The following FBN1 variants were observed in gnomAD, a reference collection of about 807,000 sequenced individuals.
FBN1 encodes the protein fibrillin 1, also known as fibrillin-1.
FBN1 carries 29 observed loss-of-function variants against 365.1 expected under a neutral mutation model. That is an observed-to-expected ratio of 0.08 (90% CI 0.06 to 0.11). FBN1 has a LOEUF of 0.11. FBN1 is among the 10% of genes least tolerant of loss of function. The pLI is 1.00. For synonymous variants in FBN1, 1,210 were observed against 1,270.5 expected, an observed-to-expected ratio of 0.95 and a Z score of 1.01; for missense variants, 2,476 against 3,703.2, an observed-to-expected ratio of 0.67 and a Z score of 8.60.
intron 65 of FBN1, among the ~76,000 whole-genome samples, chr15:48,412,298 A>C (rs1166658410): frequency 6.6e-6 from 1 of 152,174 alleles, no homozygotes; most frequent in Admixed American, 6.5e-5. Context: ...TCCTTTCAGC[A>C]GACTTTGGGT....
chr15:48,549,563 C>T (rs2044124893), intron 6 of FBN1, among the ~76,000 whole-genome samples: 1 of 152,212 alleles, frequency 6.6e-6, no homozygotes, highest in Non-Finnish European at 1.5e-5. Context: ...CCCTCTTCTG[C>T]TTAAGCTAGT....
rs1597593844 is a variant in FBN1, at chr15:48,537,792, T to C, written c.555A>G (p.Pro185=). The change falls in exon 7 of 66, where the codon CCA becomes CCG. Residue 185 remains proline, a synonymous_variant. Coordinates refer to ENST00000316623, the MANE Select transcript of FBN1 (RefSeq NM_000138.5). ...TCTGGTTGCTGATCACAGTAAAACA[T>C]GGGCCTGTCCTGTAATCTGAAAATA... ...PQCERDYRTG[P]CFTVISNQMC... is the part of the protein sequence containing the mutation. The C allele has an allele frequency of 4.3e-6, 7 of 1,614,160 alleles. No homozygotes were observed. The highest frequency in any genetic ancestry group is 5.9e-6 in the Non-Finnish European group (7 of 1,180,024).
At chr15:48,587,070 C>A (rs2044442034) in intron 6 of FBN1, among the ~76,000 whole-genome samples, 2 of 152,164 alleles carry the variant, frequency 1.3e-5, no homozygotes, top group South Asian at 2.1e-4. Context: ...GATATTATAT[C>A]CATGGCAACT....
At position 48,490,724 on chromosome 15, in the gene FBN1, A is replaced by G. The variant is rs547307876; in HGVS notation, c.2855-646T>C. 5.3e-5 allele frequency among the ~76,000 whole-genome samples: 8 copies of G among 152,348 alleles called. No homozygotes were observed. In the East Asian group the frequency reaches 1.3e-3, roughly 26 times the overall value. On this transcript the variant is annotated intron_variant, in intron 24 of 65. Transcript: ENST00000316623. ...CCAAATTCATGGGATTATAAAGAAGAGCAGAAAGCCTAGCAGAGCAGAGGT... is the reference window on the plus strand; with the variant it reads ...CCAAATTCATGGGATTATAAAGAAGGGCAGAAAGCCTAGCAGAGCAGAGGT...
In FBN1 at chr15:48,437,448, A is replaced by T. The variant is rs139565291; in HGVS notation, c.6314-61T>A. 60 of 1,409,734 alleles carry T rather than the reference A, an allele frequency of 4.3e-5. No individual in the cohort carries two copies. The African/African-American group carries it at 8.2e-4, about 19-fold the overall frequency. 87.3% of individuals were successfully genotyped at this position (1,409,734 alleles called of 1,614,324 possible). ...AGCAATTCATTACAAGCTTCTCCACAAGTATTTTGAGGTAGAAAATTGCTA... is the reference window on the plus strand; with the variant it reads ...AGCAATTCATTACAAGCTTCTCCACTAGTATTTTGAGGTAGAAAATTGCTA... On this transcript the variant is annotated intron_variant, in intron 51 of 65. Coordinates refer to ENST00000316623, the MANE Select transcript of FBN1 (RefSeq NM_000138.5).
At chr15:48,437,208 G>C (rs1054709851) in intron 52 of FBN1, 114 bp downstream of exon 52, 1 of 1,170,220 alleles carries the variant, frequency 8.5e-7, no homozygotes, top group South Asian at 1.3e-5. Flanking sequence ...TAAATGAAGG[G>C]ACAAAAAAGT....
At chr15:48,420,373 C>A (rs917982874) in intron 63 of FBN1, among the ~76,000 whole-genome samples, 1 of 152,066 alleles carries the variant, frequency 6.6e-6, no homozygotes, top group Non-Finnish European at 1.5e-5. Context: ...GATTTTTTGA[C>A]CCCTGATATG....
At chr15:48,542,714 A>AC (rs2044066100) in intron 6 of FBN1, among the ~76,000 whole-genome samples, 1 of 150,288 alleles carries the variant, frequency 6.7e-6, no homozygotes, top group Admixed American at 6.6e-5. Flanking sequence ...TAGATGTGGC[A>AC]TGGGGCCCAG....
chr15:48,565,103 T>C (rs566024825), intron 6 of FBN1, among the ~76,000 whole-genome samples: 1 of 152,274 alleles, frequency 6.6e-6, no homozygotes, highest in East Asian at 1.9e-4. Context: ...CCACCCACCA[T>C]ACCTTGGTCA....
At position 48,644,900 on chromosome 15, in the gene FBN1, C is replaced by G. The variant is rs1890268499; in HGVS notation, c.-131G>C. The G allele has an allele frequency of 1.1e-6, 1 of 870,146 alleles. No homozygotes were observed. The highest frequency in any genetic ancestry group is 1.5e-6 in the Non-Finnish European group (1 of 659,036). The allele number at this position is 870,146 out of a possible 1,614,324, so 53.9% of individuals were successfully genotyped here. A position where few individuals can be genotyped will look rare whatever the true frequency, so the allele number is the denominator to read the frequency against. ...CCCGCCGCCCGTCCCCCGGGCCGGG[C>G]TCCTCCCGCCTTCTCCAGGCGCTGC... On this transcript the variant is annotated 5_prime_UTR_variant, in exon 2 of 66. Coordinates refer to ENST00000316623, the MANE Select transcript of FBN1 (RefSeq NM_000138.5).
chr15:48,514,756 T>C (rs16961068), intron 12 of FBN1, among the ~76,000 whole-genome samples: 25,852 of 152,136 alleles, frequency 0.17, 2,348 homozygotes, highest in East Asian at 0.36. Flanking sequence ...GGTAGGGCTT[T>C]TGGTAGGGTG....
At chr15:48,456,053 A>G (rs1180349626) in intron 44 of FBN1, among the ~76,000 whole-genome samples, 1 of 152,240 alleles carries the variant, frequency 6.6e-6, no homozygotes, top group East Asian at 1.9e-4. Context: ...CAGATGCAGG[A>G]AAAAATATGA....
intron 2 of FBN1, among the ~76,000 whole-genome samples, chr15:48,629,896 TTTATCTGTTAC>T (rs1238800465): frequency 6.6e-5 from 10 of 152,332 alleles, no homozygotes; most frequent in African/African-American, 1.9e-4. Context: ...AAGAACCACC[TTTATCTGTTAC>T]GCAGCTCAAC....
At chr15:48,595,085 G>A (rs1482458227) in intron 6 of FBN1, among the ~76,000 whole-genome samples, 1 of 152,100 alleles carries the variant, frequency 6.6e-6, no homozygotes, top group Non-Finnish European at 1.5e-5. Context: ...ACCATGCAGT[G>A]GTCCCATTAA....
intron 53 of FBN1, among the ~76,000 whole-genome samples, chr15:48,436,393 T>A (rs1018409166): frequency 1.3e-5 from 2 of 152,158 alleles, no homozygotes; most frequent in Non-Finnish European, 2.9e-5. Context: ...ATTAATTATG[T>A]TATATTGAAT....
At position 48,425,355 on chromosome 15, in the gene FBN1, C is replaced by T; in HGVS notation, c.7453+14G>A. 1.9e-6 allele frequency: 3 copies of T among 1,613,980 alleles called. No homozygotes were observed. Among genetic ancestry groups the T allele is most frequent in the Non-Finnish European group, 2.5e-6 (3 of 1,179,978 alleles). On this transcript the variant is annotated intron_variant, in intron 60 of 65. Transcript: ENST00000316623. ...CAGGAGCTAGGTGAGGGGCAATGGTCAATTCTACTTTACCTTTGCAGCTCC... is the reference window on the plus strand; with the variant it reads ...CAGGAGCTAGGTGAGGGGCAATGGTTAATTCTACTTTACCTTTGCAGCTCC...
At chr15:48,477,306 G>C (rs969196623) in intron 32 of FBN1, among the ~76,000 whole-genome samples, 2 of 152,140 alleles carry the variant, frequency 1.3e-5, no homozygotes, top group African/African-American at 2.4e-5. Flanking sequence ...ATGTTTTCAA[G>C]GTGAAAAGAA....
At chr15:48,464,714 A>G (rs967756418) in intron 40 of FBN1, among the ~76,000 whole-genome samples, 11 of 152,204 alleles carry the variant, frequency 7.2e-5, no homozygotes, top group Non-Finnish European at 1.5e-4. Context: ...TGCTCACAAA[A>G]TCTATGATAG....
At chr15:48,641,334 G>C (rs535652462) in intron 2 of FBN1, 4 of 152,050 alleles carry the variant, frequency 2.6e-5, no homozygotes, top group African/African-American at 9.7e-5. Flanking sequence ...AACAGGGGGG[G>C]AGGAGAGGAA....
Sources: allele counts gnomAD v4.1 joint callset (sites outside exome capture counted in the v4.1 genomes callset), GRCh38; gene constraint gnomAD v4.1.1; transcripts MANE v1.5; gene names NCBI Gene and HGNC (gene_info 2026-07-23, HGNC 2026-07-21).